The following STXBP6 variants were observed in gnomAD, a reference collection of about 807,000 sequenced individuals.
The protein encoded by STXBP6 is syntaxin binding protein 6, also known as syntaxin-binding protein 6.
Under a neutral mutation model 26.9 loss-of-function variants are expected in STXBP6, and 21 were observed. The observed-to-expected ratio is 0.78, with a 90% CI of 0.55 to 1.12. The LOEUF (loss-of-function observed/expected upper bound fraction) is 1.12. Among genes scored for constraint, STXBP6 ranks in the 50% most tolerant of loss-of-function variants. The pLI is 0.00. For missense variants in STXBP6, 232 were observed against 257.9 expected (o/e 0.90, Z 0.69); for synonymous variants, 97 against 92.6 (o/e 1.05, Z -0.27).
At chr14:24,953,344 T>C (rs1006727901) in intron 2 of STXBP6, among the ~76,000 whole-genome samples, 11 of 152,190 alleles carry the variant, frequency 7.2e-5, no homozygotes, top group Admixed American at 1.3e-4. Flanking sequence ...ACTTCACAGG[T>C]TGCCAGGATG....
At chr14:25,043,499 C>T (rs1365952515) in intron 1 of STXBP6, among the ~76,000 whole-genome samples, 1 of 152,122 alleles carries the variant, frequency 6.6e-6, no homozygotes, top group Non-Finnish European at 1.5e-5. Flanking sequence ...GTGTGCAACT[C>T]AGTAGTTTTC....
intron 1 of STXBP6, among the ~76,000 whole-genome samples, chr14:25,030,833 G>C (rs2075439744): frequency 6.6e-6 from 1 of 151,428 alleles, no homozygotes; most frequent in Non-Finnish European, 1.5e-5. Context: ...AATTAAGGTA[G>C]ATTTAAATTA....
At chr14:24,836,637 A>AAATCAAT (rs2068626540) in intron 4 of STXBP6, among the ~76,000 whole-genome samples, 1 of 147,874 alleles carries the variant, frequency 6.8e-6, no homozygotes, top group South Asian at 2.2e-4. Context: ...AAAGAAGTGA[A>AAATCAAT]AATCAATAAC....
chr14:24,937,938 A>G (rs140585607), intron 2 of STXBP6, among the ~76,000 whole-genome samples: 51 of 152,360 alleles, frequency 3.3e-4, no homozygotes, highest in African/African-American at 1.1e-3. Flanking sequence ...AAAACTGCCA[A>G]TCAAAAATCA....
chr14:25,028,244 T>A (rs986249751), intron 1 of STXBP6, among the ~76,000 whole-genome samples: 4 of 152,172 alleles, frequency 2.6e-5, no homozygotes, highest in South Asian at 2.1e-4. Context: ...AGGACTTCCA[T>A]AGGTACAGAG....
intron 2 of STXBP6, among the ~76,000 whole-genome samples, chr14:24,931,652 T>C (rs932614739): frequency 1.2e-4 from 18 of 152,100 alleles, no homozygotes; most frequent in African/African-American, 4.3e-4. Flanking sequence ...CTGGAGTTTA[T>C]ATTATAGTGA....
chr14:25,008,360 G>A (rs1166995468), intron 1 of STXBP6, among the ~76,000 whole-genome samples: 2 of 152,016 alleles, frequency 1.3e-5, no homozygotes, highest in Non-Finnish European at 2.9e-5. Flanking sequence ...GCCAGGTGTG[G>A]TAGCATATGC....
chr14:24,828,229 G>A (rs919186271), intron 4 of STXBP6, among the ~76,000 whole-genome samples: 1 of 151,606 alleles, frequency 6.6e-6, no homozygotes, highest in Non-Finnish European at 1.5e-5. Context: ...AAGATGACAG[G>A]GACAGTGCTA....
rs192502337 is a variant in STXBP6, at chr14:25,026,253, T to G, written c.-33+23625A>C. Among the ~76,000 whole-genome samples the G allele has an allele frequency of 7.9e-5, 12 of 152,198 alleles. No homozygotes were observed. In the East Asian group the frequency reaches 1.9e-3, roughly 24 times the overall value. On this transcript the variant is annotated intron_variant, in intron 1 of 5. Coordinates refer to ENST00000323944, the MANE Select transcript of STXBP6 (RefSeq NM_001394410.1). ...GTGACAGGCAAGGGAGATACTTACTTGCATACCTCAAAAAGACGGTGCCAA... is the reference window on the plus strand; with the variant it reads ...GTGACAGGCAAGGGAGATACTTACTGGCATACCTCAAAAAGACGGTGCCAA...
At chr14:24,921,817 C>T (rs1237293417) in intron 2 of STXBP6, among the ~76,000 whole-genome samples, 1 of 151,968 alleles carries the variant, frequency 6.6e-6, no homozygotes, top group Non-Finnish European at 1.5e-5. Flanking sequence ...AAGAACATGG[C>T]TCAAAAGCCA....
intron 1 of STXBP6, among the ~76,000 whole-genome samples, chr14:25,013,535 C>T (rs1297977901): frequency 6.6e-6 from 1 of 151,236 alleles, no homozygotes; most frequent in African/African-American, 2.4e-5. Flanking sequence ...CATGGGAATA[C>T]ATAACACTGC....
At chr14:24,889,828 A>G (rs960220991) in intron 2 of STXBP6, among the ~76,000 whole-genome samples, 43 of 152,364 alleles carry the variant, frequency 2.8e-4, no homozygotes, top group African/African-American at 9.9e-4. Flanking sequence ...TAGTTTTAGC[A>G]GAAATTATTT....
chr14:24,864,758 A>G (rs1197297086), intron 2 of STXBP6, among the ~76,000 whole-genome samples: 2 of 152,192 alleles, frequency 1.3e-5, no homozygotes, highest in Non-Finnish European at 2.9e-5. Context: ...ATAAGCTGTC[A>G]AATATAATTA....
At chr14:24,843,767 C>T (rs2068856221) in intron 4 of STXBP6, among the ~76,000 whole-genome samples, 1 of 152,132 alleles carries the variant, frequency 6.6e-6, no homozygotes, top group African/African-American at 2.4e-5. Flanking sequence ...ACCAGGAAGA[C>T]AAGATTTATA....
chr14:24,898,040 TACACGAG>T (rs1377484245), intron 2 of STXBP6, among the ~76,000 whole-genome samples: 1 of 152,178 alleles, frequency 6.6e-6, no homozygotes, highest in Non-Finnish European at 1.5e-5. Flanking sequence ...TGTGTTTCTG[TACACGAG>T]GTTTAGCAAT....
intron 4 of STXBP6, among the ~76,000 whole-genome samples, chr14:24,828,915 A>G (rs1041869658): frequency 6.6e-6 from 1 of 152,114 alleles, no homozygotes; most frequent in Non-Finnish European, 1.5e-5. Flanking sequence ...TTGGGAGAAA[A>G]CCCGTCAAGT....
intron 2 of STXBP6, among the ~76,000 whole-genome samples, chr14:24,924,451 T>C (rs535533849): frequency 1.8e-4 from 28 of 152,208 alleles, no homozygotes; most frequent in African/African-American, 6.7e-4. Context: ...TTCACAGAAA[T>C]TGCAAATCAT....
In STXBP6 at chr14:25,049,865, GC is replaced by G. The variant is rs913226785; in HGVS notation, c.-33+12del. On this transcript the variant is annotated intron_variant, in intron 1 of 5. Coordinates refer to ENST00000323944, the MANE Select transcript of STXBP6 (RefSeq NM_001394410.1). This position sits in a 1 kb window ranked among gnomAD's most constrained non-coding sequence, Gnocchi z 5.6. The stretch of plus-strand genomic sequence containing the variant: ...CCGCCCTGACCGCCTGGCTCCCCTC[GC>G]CCCGGTCCTACCGTGCAGCCTGGCT... The G allele has an allele frequency of 3.9e-5, 38 of 985,240 alleles. 1 individual carries two copies. The highest frequency in any genetic ancestry group is 1.9e-4 in the South Asian group (4 of 21,296). The allele number at this position is 985,240 out of a possible 1,614,324, so 61.0% of individuals were successfully genotyped here. A position where few individuals can be genotyped will look rare whatever the true frequency, so the allele number is the denominator to read the frequency against.
At chr14:25,032,982 T>C (rs976890527) in intron 1 of STXBP6, among the ~76,000 whole-genome samples, 1 of 152,244 alleles carries the variant, frequency 6.6e-6, no homozygotes, top group Non-Finnish European at 1.5e-5. Flanking sequence ...ATTGGTACAC[T>C]AACTGCTGTT....
Sources: allele counts gnomAD v4.1 joint callset (sites outside exome capture counted in the v4.1 genomes callset), GRCh38; gene constraint gnomAD v4.1.1; non-coding constraint Gnocchi (gnomAD v3.1); transcripts MANE v1.5; gene names NCBI Gene and HGNC (gene_info 2026-07-23, HGNC 2026-07-21).